EHMT1: variants seen among roughly 807,000 people sequenced by gnomAD.
EHMT1 encodes euchromatic histone lysine methyltransferase 1, also known as histone-lysine N-methyltransferase EHMT1.
Under a neutral mutation model 147.2 loss-of-function variants are expected in EHMT1, and 15 were observed. That is an observed-to-expected ratio of 0.10 (90% CI 0.07 to 0.16). The LOEUF is 0.16. Ranked by LOEUF, EHMT1 falls within the 10% of genes least tolerant of loss-of-function variation. The probability of loss-of-function intolerance (pLI) is 1.00; values close to 1 mark genes in which losing one functional copy is unlikely to be tolerated. For synonymous variants in EHMT1, 795 were observed against 709.6 expected, an observed-to-expected ratio of 1.12 and a Z score of -1.91; for missense variants, 1,587 against 1,772.4, an observed-to-expected ratio of 0.90 and a Z score of 1.88.
chr9:137,801,124 A>G lies in EHMT1; in HGVS notation c.2712+140A>G, dbSNP rs7871917. 0.35 allele frequency: 259,244 copies of G among 749,708 alleles called. 51,720 individuals carry two copies. The highest frequency in any genetic ancestry group is 0.69 in the African/African-American group (39,712 of 57,856). The allele number at this position is 749,708 out of a possible 1,614,324, so 46.4% of individuals were successfully genotyped here. A position where few individuals can be genotyped will look rare whatever the true frequency, so the allele number is the denominator to read the frequency against. ...CTTCCTGTGGCAGCATCGGCCCGGC[A>G]CTGTGCTGTGGCTGTCCTGTGCTGG... On this transcript the variant is annotated intron_variant, in intron 18 of 26. Coordinates refer to ENST00000460843, the MANE Select transcript of EHMT1 (RefSeq NM_024757.5).
intron 1 of EHMT1, among the ~76,000 whole-genome samples, chr9:137,665,702 T>TG (rs1277008750): frequency 6.6e-6 from 1 of 152,206 alleles, no homozygotes; most frequent in Admixed American, 6.5e-5. Context: ...GCTGTGTTGA[T>TG]GGTTTCTGTG....
At chr9:137,821,185 T>G (rs1955388152) in intron 25 of EHMT1, among the ~76,000 whole-genome samples, 1 of 151,958 alleles carries the variant, frequency 6.6e-6, no homozygotes, top group Admixed American at 6.6e-5. Flanking sequence ...TGCGCCCAGC[T>G]AAGTTTTGTA....
chr9:137,811,058 A>AT (rs897736401), intron 18 of EHMT1, among the ~76,000 whole-genome samples: 1 of 152,140 alleles, frequency 6.6e-6, no homozygotes, highest in East Asian at 1.9e-4. Flanking sequence ...CAAAAGCATT[A>AT]TCCTATCCTA....
chr9:137,703,525 C>T (rs1459665984), intron 1 of EHMT1, among the ~76,000 whole-genome samples: 1 of 152,208 alleles, frequency 6.6e-6, no homozygotes, highest in Non-Finnish European at 1.5e-5. Context: ...TACCCTAAAT[C>T]ATCTCTCTCA....
chr9:137,685,760 C>T (rs1416746345), intron 1 of EHMT1, among the ~76,000 whole-genome samples: 1 of 152,206 alleles, frequency 6.6e-6, no homozygotes, highest in African/African-American at 2.4e-5. Context: ...TTGTAGCTAT[C>T]CTAGTGGGAG....
At chr9:137,814,611 G>GC in intron 22 of EHMT1, 103 bp downstream of exon 22, 1 of 1,370,240 alleles carries the variant, frequency 7.3e-7, no homozygotes, top group Non-Finnish European at 1.0e-6. Context: ...TCGTGGCAGC[G>GC]TCGGGAAGGA....
rs577029323 is a variant in EHMT1, at chr9:137,680,086, C to T, written c.22-30881C>T. 2.0e-5 allele frequency among the ~76,000 whole-genome samples: 3 copies of T among 151,858 alleles called. No individual in the cohort carries two copies. In the South Asian group the frequency reaches 6.3e-4, roughly 32 times the overall value. On this transcript the variant is annotated intron_variant, in intron 1 of 26. Transcript: ENST00000460843. ...ATTGTATTCCCCCTTCCTGCTGATG[C>T]GAAATGCCTCTACGTTGTATCTGTA...
rs751483939 is a variant in EHMT1, at chr9:137,716,875, A to C, written c.335A>C (p.Asp112Ala). 1 of 1,613,302 alleles carries C rather than the reference A, an allele frequency of 6.2e-7. No individual in the cohort carries two copies. Among genetic ancestry groups the C allele is most frequent in the South Asian group, 1.1e-5 (1 of 91,086 alleles). ...GCGAAGCAAAACCACGTCACTGCCG[A>C]CGACTTTGTGCAGACTTCTGTCATC... ...EAAKQNHVTA[D>A]DFVQTSVIGS... The change falls in exon 3 of 27, where the codon GAC (aspartate) becomes GCC (alanine). Residue 112 changes from aspartate to alanine, a missense_variant. By Grantham distance (126) the Asp-to-Ala change is moderately radical. This residue lies in a region of EHMT1 where 810 missense variants were observed against 673.0 expected (regional missense o/e 1.20). Coordinates refer to ENST00000460843, the MANE Select transcript of EHMT1 (RefSeq NM_024757.5).
intron 3 of EHMT1, among the ~76,000 whole-genome samples, chr9:137,719,638 C>T (rs1228031397): frequency 6.6e-6 from 1 of 152,222 alleles, no homozygotes; most frequent in Non-Finnish European, 1.5e-5. Flanking sequence ...CACCAAGCTT[C>T]CTTCAGTGGT....
intron 18 of EHMT1, among the ~76,000 whole-genome samples, chr9:137,803,775 C>G (rs1953696897): frequency 6.6e-6 from 1 of 151,350 alleles, no homozygotes; most frequent in African/African-American, 2.4e-5. Flanking sequence ...CGCTTGAGCC[C>G]AGGAGGTCAA....
chr9:137,811,354 G>A, intron 18 of EHMT1, 107 bp from the exon 19 acceptor site: 2 of 1,526,410 alleles, frequency 1.3e-6, no homozygotes, highest in Non-Finnish European at 1.8e-6. Flanking sequence ...GGCCACGCAT[G>A]CTCCAGAGCC....
In EHMT1 at chr9:137,835,156, C is replaced by G; in HGVS notation, c.*203C>G. 1.9e-6 allele frequency: 1 copy of G among 530,550 alleles called. No individual in the cohort carries two copies. The highest frequency in any genetic ancestry group is 3.0e-6 in the Non-Finnish European group (1 of 336,222). 32.9% of individuals were successfully genotyped at this position (530,550 alleles called of 1,614,324 possible). A position where few individuals can be genotyped will look rare whatever the true frequency, so the allele number is the denominator to read the frequency against. ...CCACCTTCCCAGACCTGCGGCCTCACCGCGGGCCCAGTGCCCAGGCTGGAG... is the reference window on the plus strand; with the variant it reads ...CCACCTTCCCAGACCTGCGGCCTCAGCGCGGGCCCAGTGCCCAGGCTGGAG... On this transcript the variant is annotated 3_prime_UTR_variant, in exon 27 of 27. Transcript: ENST00000460843.
In EHMT1 at chr9:137,826,246, G is replaced by A. The variant is rs574076074; in HGVS notation, c.3541-8103G>A. On this transcript the variant is annotated intron_variant, in intron 25 of 26. Transcript: ENST00000460843. ...CCTTCCAGCATCTGGCATCTCTGTAGGTCTGTTTCTAGCATCTGTTTTGCT... is the reference window on the plus strand; with the variant it reads ...CCTTCCAGCATCTGGCATCTCTGTAAGTCTGTTTCTAGCATCTGTTTTGCT... Among the ~76,000 whole-genome samples, 90 of 152,278 alleles carry A rather than the reference G, an allele frequency of 5.9e-4. 1 individual carries two copies. The highest frequency in any genetic ancestry group is 2.0e-3 in the African/African-American group (85 of 41,552).
Position 137,776,764 on chromosome 9 carries a change from C to T in EHMT1, c.1938C>T (p.Asp646=). The T allele has an allele frequency of 6.2e-7, 1 of 1,614,100 alleles. No individual in the cohort carries two copies. Among genetic ancestry groups the T allele is most frequent in the East Asian group, 2.2e-5 (1 of 44,854 alleles). ...AAGAGGTGACGATAGCTAAAGCAGA[C>T]ACCACCTCGACCGTGACACCAGTCC... is the stretch of plus-strand genomic sequence containing the variant. The part of the protein sequence containing the change: ...KAKEVTIAKA[D]TTSTVTPVPG... Residue 646 remains aspartate (D), a synonymous_variant, in exon 12 of 27, where the codon GAC becomes GAT. Transcript: ENST00000460843. The surrounding 1 kb of genome is among the most constrained non-coding windows in gnomAD (Gnocchi z 4.4).
intron 1 of EHMT1, chr9:137,685,390 A>G (rs891801817): frequency 2.0e-5 from 3 of 152,218 alleles, no homozygotes; most frequent in South Asian, 2.1e-4. Context: ...GTCATGTAGC[A>G]TAAGGTTTTC....
intron 1 of EHMT1, among the ~76,000 whole-genome samples, chr9:137,669,844 T>C (rs1940339497): frequency 6.6e-6 from 1 of 152,022 alleles, no homozygotes; most frequent in South Asian, 2.1e-4. Flanking sequence ...TGAGCCATGA[T>C]GCCTGGGCCA....
chr9:137,689,658 G>C (rs1942765312), intron 1 of EHMT1, among the ~76,000 whole-genome samples: 1 of 152,226 alleles, frequency 6.6e-6, no homozygotes, highest in African/African-American at 2.4e-5. Flanking sequence ...AGCTGAGATT[G>C]CGCCACTGCA....
At chr9:137,635,507 G>T (rs1051047970) in intron 1 of EHMT1, among the ~76,000 whole-genome samples, 1 of 151,268 alleles carries the variant, frequency 6.6e-6, no homozygotes, top group Non-Finnish European at 1.5e-5. Flanking sequence ...GAACCACTGC[G>T]CTCGGCCTTC....
Position 137,708,676 on chromosome 9 carries a change from A to G in EHMT1, c.22-2291A>G, listed in dbSNP as rs73570051. Among the ~76,000 whole-genome samples the G allele has an allele frequency of 3.9e-3, 601 of 152,338 alleles. 1 individual carries two copies. Among genetic ancestry groups the G allele is most frequent in the African/African-American group, 0.014 (582 of 41,562 alleles). On this transcript the variant is annotated intron_variant, in intron 1 of 26. Coordinates refer to ENST00000460843, the MANE Select transcript of EHMT1 (RefSeq NM_024757.5). ...AAAATTCAAAAGGTAGAGTTTTAAC[A>G]TTGGCAACAAATACTACTGGTTGTT...
Sources: allele counts gnomAD v4.1 joint callset (sites outside exome capture counted in the v4.1 genomes callset), GRCh38; gene constraint gnomAD v4.1.1; regional missense constraint gnomAD v4.1.1; non-coding constraint Gnocchi (gnomAD v3.1); transcripts MANE v1.5; gene names NCBI Gene and HGNC (gene_info 2026-07-23, HGNC 2026-07-21).